Variants in DZIP1 observed in about 807,000 individuals in gnomAD.
DZIP1 encodes DAZ interacting zinc finger protein 1.
A neutral mutation model predicts 107.6 loss-of-function variants in DZIP1; 97 were observed. That is an observed-to-expected ratio of 0.90 (90% CI 0.77 to 1.07). The LOEUF (loss-of-function observed/expected upper bound fraction) is 1.07. DZIP1 is among the 50% of genes least tolerant of loss of function. The pLI, the probability that DZIP1 is intolerant of heterozygous loss-of-function variation, is 0.00. For synonymous variants in DZIP1, 390 were observed against 386.4 expected (o/e 1.01, Z -0.11); for missense variants, 1,035 against 1,063.6 (o/e 0.97, Z 0.37).
At position 95,624,785 on chromosome 13, in the gene DZIP1, T is replaced by G; in HGVS notation, c.955A>C (p.Asn319His). The change falls in exon 8 of 23, where the codon AAT becomes CAT. Residue 319 changes from asparagine to histidine, a missense_variant. Coordinates refer to ENST00000376829, the MANE Select transcript of DZIP1 (RefSeq NM_198968.4). ...ATACTTACATATTCTAATGCTGAAT[T>G]CTTCGAAGTTAATTCTTTAAATTCC... ...MKEFKELTSK[N>H]SALEYQLSEI... 6.2e-7 allele frequency: 1 copy of G among 1,601,302 alleles called. No homozygotes were observed. The highest frequency in any genetic ancestry group is 8.5e-7 in the Non-Finnish European group (1 of 1,171,552).
chr13:95,633,678 C>CAAAAA (rs567298033), intron 5 of DZIP1, among the ~76,000 whole-genome samples: 2 of 71,188 alleles, frequency 2.8e-5, no homozygotes, highest in South Asian at 5.2e-4. Flanking sequence ...GACTCCATCT[C>CAAAAA]AAAAAAAAAA....
At chr13:95,623,953 G>A (rs1876220131) in intron 8 of DZIP1, among the ~76,000 whole-genome samples, 1 of 152,002 alleles carries the variant, frequency 6.6e-6, no homozygotes, top group Non-Finnish European at 1.5e-5. Context: ...AAAATAAAAA[G>A]TAAAAATGTA....
intron 17 of DZIP1, 55 bp downstream of exon 17, chr13:95,590,224 A>G (rs956890319): frequency 6.8e-7 from 1 of 1,475,518 alleles, no homozygotes; most frequent in African/African-American, 1.4e-5. Flanking sequence ...AAAAAGAAGA[A>G]AAAAAGAAAA....
At chr13:95,600,550 T>C (rs1166774020) in intron 14 of DZIP1, among the ~76,000 whole-genome samples, 5 of 150,788 alleles carry the variant, frequency 3.3e-5, no homozygotes, top group African/African-American at 1.2e-4. Context: ...GATAGACAAA[T>C]GATAGAGAGA....
intron 10 of DZIP1, among the ~76,000 whole-genome samples, chr13:95,617,488 T>C (rs1254361039): frequency 6.6e-6 from 1 of 152,028 alleles, no homozygotes; most frequent in Non-Finnish European, 1.5e-5. Context: ...GAGAAATACA[T>C]GCCATCTTCA....
intron 10 of DZIP1, among the ~76,000 whole-genome samples, chr13:95,614,812 G>A (rs1436109927): frequency 6.6e-6 from 1 of 152,084 alleles, no homozygotes; most frequent in East Asian, 1.9e-4. Flanking sequence ...GTGACTGCCT[G>A]TGAACTCCTA....
At chr13:95,638,079 T>C (rs917662382) in intron 5 of DZIP1, among the ~76,000 whole-genome samples, 1 of 143,996 alleles carries the variant, frequency 6.9e-6, no homozygotes, top group African/African-American at 2.5e-5. Flanking sequence ...CTAACCTGAG[T>C]TCAATCTTTT....
chr13:95,584,674 A>G (rs1294795343), intron 22 of DZIP1, 62 bp downstream of exon 22: 9 of 1,539,968 alleles, frequency 5.8e-6, no homozygotes, highest in African/African-American at 4.2e-5. Context: ...GATATTTATA[A>G]AGATGAAACA....
intron 14 of DZIP1, among the ~76,000 whole-genome samples, chr13:95,603,688 T>C (rs562375195): frequency 3.9e-5 from 6 of 152,164 alleles, no homozygotes; most frequent in Non-Finnish European, 8.8e-5. Context: ...AAAAATTTAT[T>C]TGAGGTTTGT....
intron 13 of DZIP1, among the ~76,000 whole-genome samples, chr13:95,609,070 C>T (rs1410411663): frequency 1.3e-5 from 2 of 152,202 alleles, no homozygotes; most frequent in Non-Finnish European, 2.9e-5. Context: ...GACAGACAGG[C>T]CACCTGTCAA....
intron 22 of DZIP1, among the ~76,000 whole-genome samples, chr13:95,582,822 T>C (rs1390569688): frequency 6.6e-6 from 1 of 152,230 alleles, no homozygotes; most frequent in Non-Finnish European, 1.5e-5. Context: ...CACTCAAGTT[T>C]GACTCTAGAA....
At chr13:95,630,995 T>G (rs1299904046) in intron 6 of DZIP1, among the ~76,000 whole-genome samples, 2 of 152,178 alleles carry the variant, frequency 1.3e-5, no homozygotes, top group Admixed American at 6.5e-5. Context: ...GACTTATTAA[T>G]GAGATTATTA....
chr13:95,622,566 GT>G, intron 8 of DZIP1, 86 bp from the exon 9 acceptor site: 1 of 1,517,810 alleles, frequency 6.6e-7, no homozygotes. Context: ...ACATAGCTGT[GT>G]TTTAAATCTG....
intron 5 of DZIP1, among the ~76,000 whole-genome samples, chr13:95,640,293 C>T (rs1329998051): frequency 1.3e-5 from 2 of 152,118 alleles, no homozygotes; most frequent in African/African-American, 2.4e-5. Flanking sequence ...CCACTGCACC[C>T]GGCCACTGTT....
intron 13 of DZIP1, among the ~76,000 whole-genome samples, chr13:95,607,040 CT>C: frequency 7.4e-6 from 1 of 134,684 alleles, no homozygotes; most frequent in South Asian, 2.3e-4. Flanking sequence ...ACCTCAGCTA[CT>C]TTTTTATTTT....
rs1566368817 is a variant in DZIP1 at position 95,593,992 on chromosome 13, C to T, written c.1632G>A (p.Met544Ile). ...NSSLTKGLRT[M>I]VEQNLMEKLE... ...GTTTCTCCATCAAGTTCTGCTCCAC[C>T]ATTGTTCTTAGTCCCTTAGTGAGGG... is the stretch of plus-strand genomic sequence containing the variant. Residue 544 changes from methionine (M) to isoleucine (I), a missense_variant, in exon 16 of 23, where the codon ATG (methionine) becomes ATA (isoleucine). Transcript: ENST00000376829. 1 of 1,612,156 alleles carries T rather than the reference C, an allele frequency of 6.2e-7. No homozygotes were observed. The highest frequency in any genetic ancestry group is 2.2e-5 in the East Asian group (1 of 44,700).
chr13:95,618,804 C>T (rs987718554), intron 10 of DZIP1, among the ~76,000 whole-genome samples: 5 of 152,112 alleles, frequency 3.3e-5, no homozygotes, highest in African/African-American at 1.2e-4. Flanking sequence ...AAAGAGGAAA[C>T]ATTTTTTCCA....
At chr13:95,602,909 G>C (rs577836196) in intron 14 of DZIP1, among the ~76,000 whole-genome samples, 14 of 152,302 alleles carry the variant, frequency 9.2e-5, no homozygotes, top group African/African-American at 2.9e-4. Flanking sequence ...GAAGTCTAGA[G>C]CATACCACCT....
At chr13:95,633,459 G>A (rs1877438477) in intron 5 of DZIP1, 138 bp from the exon 6 acceptor site, 2 of 679,170 alleles carry the variant, frequency 2.9e-6, no homozygotes, top group Non-Finnish European at 5.1e-6. Context: ...AAGGTAGGCA[G>A]ATCACCCAAG....
Sources: allele counts gnomAD v4.1 joint callset (sites outside exome capture counted in the v4.1 genomes callset), GRCh38; gene constraint gnomAD v4.1.1; transcripts MANE v1.5; gene names NCBI Gene and HGNC (gene_info 2026-07-23, HGNC 2026-07-21).